Variants in HIGD1C observed in about 807,000 individuals in gnomAD.
HIGD1C encodes the protein HIG1 domain family member 1C.
HIGD1C carries 11 observed loss-of-function variants against 13.1 expected under a neutral mutation model. The observed-to-expected ratio is 0.84, with a 90% CI of 0.53 to 1.39. The LOEUF is 1.39. Among genes scored for constraint, HIGD1C ranks in the 40% most tolerant of loss-of-function variants. The pLI is 0.00. For synonymous variants in HIGD1C, 36 were observed against 37.7 expected, an observed-to-expected ratio of 0.95 and a Z score of 0.17; for missense variants, 110 against 112.0, an observed-to-expected ratio of 0.98 and a Z score of 0.08.
chr12:50,949,095 A>C (rs927867256), upstream of HIGD1C: 1 of 151,610 alleles, frequency 6.6e-6, no homozygotes, highest in Non-Finnish European at 1.5e-5. Flanking sequence ...AAACAGAATG[A>C]AGAAAAGATC....
intron 2 of HIGD1C, among the ~76,000 whole-genome samples, chr12:50,967,543 T>A (rs1210351791): frequency 6.6e-6 from 1 of 152,178 alleles, no homozygotes; most frequent in Non-Finnish European, 1.5e-5. Context: ...CCCAAAGTGC[T>A]GGGATGACAG....
chr12:50,948,427 AAG>A, the HIGD1C span, among the ~76,000 whole-genome samples: 55 of 152,328 alleles, frequency 3.6e-4, no homozygotes, highest in African/African-American at 1.3e-3. Flanking sequence ...GCTGTGGAGA[AAG>A]AGACACTTCT....
At chr12:50,969,111 A>G (rs961978504) in intron 2 of HIGD1C, among the ~76,000 whole-genome samples, 1 of 151,354 alleles carries the variant, frequency 6.6e-6, no homozygotes, top group African/African-American at 2.4e-5. Flanking sequence ...CCTGGCCTAC[A>G]TGGTGAAACC....
the HIGD1C span, chr12:50,932,282 C>T: frequency 6.6e-6 from 1 of 152,292 alleles, no homozygotes; most frequent in East Asian, 1.9e-4. Flanking sequence ...TCTAATTCCA[C>T]CCCTGTTGGA....
the HIGD1C span, among the ~76,000 whole-genome samples, chr12:50,932,862 C>A: frequency 6.6e-6 from 1 of 152,198 alleles, no homozygotes; most frequent in Non-Finnish European, 1.5e-5. Flanking sequence ...CGAATGCACA[C>A]CTACTGCTTC....
At chr12:50,965,084 G>T (rs1211003915) in intron 2 of HIGD1C, among the ~76,000 whole-genome samples, 1 of 151,812 alleles carries the variant, frequency 6.6e-6, no homozygotes, top group Non-Finnish European at 1.5e-5. Context: ...CTAGGAGTAG[G>T]GTAATGCTTT....
the HIGD1C span, among the ~76,000 whole-genome samples, chr12:50,945,834 T>A: frequency 6.6e-6 from 1 of 152,050 alleles, no homozygotes; most frequent in Non-Finnish European, 1.5e-5. Flanking sequence ...CAAACTATAC[T>A]ACAAGGCTAC....
At chr12:50,967,063 A>G (rs1939566656) in intron 2 of HIGD1C, among the ~76,000 whole-genome samples, 1 of 151,974 alleles carries the variant, frequency 6.6e-6, no homozygotes. Context: ...GCAGTAGGCC[A>G]AGATCACACC....
At chr12:50,964,755 A>G (rs1939477643) in intron 2 of HIGD1C, among the ~76,000 whole-genome samples, 2 of 152,248 alleles carry the variant, frequency 1.3e-5, no homozygotes, top group South Asian at 2.1e-4. Flanking sequence ...TTGCTCCAGC[A>G]GCAAAACCAC....
At chr12:50,953,609 T>G (rs542629827), upstream of HIGD1C, among the ~76,000 whole-genome samples, 27 of 152,362 alleles carry the variant, frequency 1.8e-4, no homozygotes, top group Non-Finnish European at 3.2e-4. Context: ...ACTGCCATAC[T>G]TCTTTAAAAT....
chr12:50,937,842 AGT>A, the HIGD1C span, among the ~76,000 whole-genome samples: 2 of 152,050 alleles, frequency 1.3e-5, no homozygotes, highest in African/African-American at 4.8e-5. Flanking sequence ...TGTCTCATTG[AGT>A]GTGTGAGTCT....
intron 2 of HIGD1C, among the ~76,000 whole-genome samples, chr12:50,964,113 T>C (rs952965903): frequency 6.6e-6 from 1 of 151,962 alleles, no homozygotes; most frequent in African/African-American, 2.4e-5. Flanking sequence ...ACACTTCTTA[T>C]GTTAGATGAT....
intron 2 of HIGD1C, among the ~76,000 whole-genome samples, chr12:50,968,099 AAGAAGG>A (rs1027608556): frequency 6.8e-6 from 1 of 146,356 alleles, no homozygotes; most frequent in African/African-American, 2.5e-5. Context: ...TAATAAGAAG[AAGAAGG>A]AGGAGGAGGA....
the HIGD1C span, among the ~76,000 whole-genome samples, chr12:50,933,663 T>C: frequency 8.5e-5 from 13 of 152,256 alleles, no homozygotes; most frequent in African/African-American, 2.4e-4. Flanking sequence ...TTTGTGGCCA[T>C]ACCAGACCAA....
At chr12:50,958,113 C>T (rs1314329295) in intron 1 of HIGD1C, among the ~76,000 whole-genome samples, 1 of 151,118 alleles carries the variant, frequency 6.6e-6, no homozygotes, top group Admixed American at 6.6e-5. Flanking sequence ...ATCCTGTGTT[C>T]CTGAATTGGA....
At chr12:50,931,652 A>C in the HIGD1C span, 1 of 147,234 alleles carries the variant, frequency 6.8e-6, no homozygotes, top group African/African-American at 2.5e-5. Context: ...CGAAGGTTGC[A>C]GTGAACCGAG....
chr12:50,965,969 T>C (rs530543380), intron 2 of HIGD1C, among the ~76,000 whole-genome samples: 3 of 152,322 alleles, frequency 2.0e-5, no homozygotes, highest in South Asian at 4.1e-4. Context: ...AGTTAGACTT[T>C]TGTTCACCAA....
At chr12:50,956,217 C>A (rs1414921030) in intron 1 of HIGD1C, among the ~76,000 whole-genome samples, 1 of 152,196 alleles carries the variant, frequency 6.6e-6, no homozygotes, top group South Asian at 2.1e-4. Context: ...TGTGGTGAAA[C>A]CCTGTCTCTA....
downstream of HIGD1C, among the ~76,000 whole-genome samples, chr12:50,971,033 C>T (rs1482710876): frequency 6.6e-6 from 1 of 152,078 alleles, no homozygotes; most frequent in African/African-American, 2.4e-5. Flanking sequence ...CACCCACCAC[C>T]ACCCCTGGCT....
Sources: gnomAD v4.1 joint callset for allele counts (sites outside exome capture counted in the v4.1 genomes callset) on GRCh38, gnomAD v4.1.1 for gene constraint, MANE v1.5 for transcripts, NCBI Gene and HGNC (gene_info 2026-07-23, HGNC 2026-07-21) for gene names.